Variants in SAMSN1 observed in about 807,000 individuals in gnomAD.
SAMSN1 encodes the protein SAM domain, SH3 domain and nuclear localization signals 1.
SAMSN1 carries 31 observed loss-of-function variants against 42.0 expected under a neutral mutation model. The ratio of observed to expected loss-of-function variants is 0.74; its 90% confidence interval spans 0.55 to 1.00. The LOEUF is 1.00. Among genes scored for constraint, SAMSN1 ranks in the 50% least tolerant of loss-of-function variants. The pLI is 0.00. For synonymous variants in SAMSN1, 178 were observed against 151.9 expected (o/e 1.17, Z -1.26); for missense variants, 464 against 439.4 (o/e 1.06, Z -0.50).
In SAMSN1 at chr21:14,559,991, G is replaced by C. The variant is rs143398776; in HGVS notation, c.261+22145C>G. Among the ~76,000 whole-genome samples the C allele has an allele frequency of 2.7e-4, 41 of 152,266 alleles. 1 individual carries two copies. Among genetic ancestry groups the C allele is most frequent in the African/African-American group, 9.4e-4 (39 of 41,546 alleles). The stretch of plus-strand genomic sequence containing the variant: ...ATATCTATTATGGGCCTGGGACTCT[G>C]TCAGGTGTCCAAAGACGGAAAGGTA... On this transcript the variant is annotated intron_variant, in intron 2 of 8. Transcript: ENST00000285670.
intron 2 of SAMSN1, among the ~76,000 whole-genome samples, chr21:14,560,958 T>A (rs192157775): frequency 3.3e-5 from 5 of 152,240 alleles, no homozygotes; most frequent in African/African-American, 1.2e-4. Flanking sequence ...TTTGCAAAAC[T>A]AATGAAAGGC....
At chr21:14,528,251 TCCTTCTTTC>T (rs753862766) in intron 1 of SAMSN1, among the ~76,000 whole-genome samples, 3 of 152,160 alleles carry the variant, frequency 2.0e-5, no homozygotes, top group Non-Finnish European at 2.9e-5. Context: ...CACTTTCTAT[TCCTTCTTTC>T]TCTTCTTCTC....
At chr21:14,615,863 C>CA (rs34255188) in intron 3 of SAMSN1, 3,260 of 116,228 alleles carry the variant, frequency 0.028, 189 homozygotes, top group African/African-American at 0.085. Context: ...ATGACAGCTG[C>CA]AAAAAAAAAA....
At chr21:14,565,256 A>G (rs1484660620) in intron 2 of SAMSN1, among the ~76,000 whole-genome samples, 2 of 147,254 alleles carry the variant, frequency 1.4e-5, no homozygotes, top group African/African-American at 5.0e-5. Context: ...AGATCACACC[A>G]CTGAACTCCA....
At chr21:14,497,508 C>T (rs547941576) in intron 7 of SAMSN1, among the ~76,000 whole-genome samples, 1 of 152,286 alleles carries the variant, frequency 6.6e-6, no homozygotes, top group South Asian at 2.1e-4. Flanking sequence ...ATGAGAATCG[C>T]TTCAACCTGG....
At chr21:14,531,012 AGT>A (rs1328086525) in intron 1 of SAMSN1, among the ~76,000 whole-genome samples, 3 of 152,062 alleles carry the variant, frequency 2.0e-5, no homozygotes, top group Non-Finnish European at 4.4e-5. Flanking sequence ...TATTTTAACT[AGT>A]CACATCATTT....
intron 2 of SAMSN1, among the ~76,000 whole-genome samples, chr21:14,622,492 C>T (rs1337862577): frequency 6.6e-6 from 1 of 151,918 alleles, no homozygotes; most frequent in African/African-American, 2.4e-5. Flanking sequence ...TTTCAGTAGC[C>T]AATTCAATCA....
intron 1 of SAMSN1, among the ~76,000 whole-genome samples, chr21:14,643,884 G>T (rs573477046): frequency 6.6e-6 from 1 of 152,190 alleles, no homozygotes; most frequent in Non-Finnish European, 1.5e-5. Context: ...CACAGCCATC[G>T]TGCGGCATTG....
intron 1 of SAMSN1, among the ~76,000 whole-genome samples, chr21:14,542,840 A>G (rs982996517): frequency 6.6e-6 from 1 of 152,048 alleles, no homozygotes; most frequent in Admixed American, 6.6e-5. Flanking sequence ...GCTACTCAGG[A>G]GGCTGAGATG....
At chr21:14,621,595 G>GGAGGGGCGCCCACCATTGCT (rs199797741) in intron 2 of SAMSN1, among the ~76,000 whole-genome samples, 105,887 of 151,552 alleles carry the variant, frequency 0.7, 37,110 homozygotes, top group Non-Finnish European at 0.73. Flanking sequence ...AGAGGCTGGG[G>GGAGGGGCGCCCACCATTGCT]GAGGCTTGAG....
At chr21:14,658,474 T>C (rs1983949891) in intron 1 of SAMSN1, among the ~76,000 whole-genome samples, 1 of 151,986 alleles carries the variant, frequency 6.6e-6, no homozygotes, top group Non-Finnish European at 1.5e-5. Flanking sequence ...TCAAAAATAC[T>C]GTTCCCAGAA....
chr21:14,615,993 TG>T lies in SAMSN1; in HGVS notation c.179del (p.Ala60GlufsTer24). On this transcript the variant is annotated frameshift_variant, in exon 3 of 16. Coordinates refer to the SAMSN1 transcript ENST00000647101. LOFTEE classifies it high-confidence loss of function. ...TGACTTACTTTCTCTTTTTTGGTTT[TG>T]CATTCTCTAAATTAGAAACTCCCTG... The T allele has an allele frequency of 1.7e-6, 1 of 599,220 alleles. No individual in the cohort carries two copies. Among genetic ancestry groups the T allele is most frequent in the Non-Finnish European group, 3.1e-6 (1 of 322,374 alleles). 37.1% of individuals were successfully genotyped at this position (599,220 alleles called of 1,614,324 possible).
At chr21:14,652,801 T>G (rs892807997) in intron 1 of SAMSN1, among the ~76,000 whole-genome samples, 6 of 152,032 alleles carry the variant, frequency 3.9e-5, no homozygotes, top group Non-Finnish European at 7.4e-5. Flanking sequence ...GTGGGATTAA[T>G]AACCAGAACA....
intron 7 of SAMSN1, chr21:14,591,354 C>T (rs1982078150): frequency 6.6e-6 from 1 of 152,150 alleles, no homozygotes; most frequent in Admixed American, 6.5e-5. Flanking sequence ...AGGACCTAAT[C>T]TACGGGAGGT....
rs56315338 is a variant in SAMSN1, at chr21:14,499,025, C to G, written c.769-433G>C. Among the ~76,000 whole-genome samples the G allele has an allele frequency of 2.4e-3, 367 of 152,276 alleles. 3 individuals are homozygous for G. The highest frequency in any genetic ancestry group is 0.017 in the Middle Eastern group (5 of 294). On this transcript the variant is annotated intron_variant, in intron 6 of 7. Coordinates refer to ENST00000400566, the MANE Select transcript of SAMSN1 (RefSeq NM_022136.5). ...CTTCTTGTTTTCATGATTGCAAAAG[C>G]ATCTACTCTCAAAACATTCTTGGGG...
chr21:14,584,316 T>G (rs1004335005), upstream of SAMSN1, among the ~76,000 whole-genome samples: 1 of 152,218 alleles, frequency 6.6e-6, no homozygotes, highest in Non-Finnish European at 1.5e-5. Context: ...AGCCTCTTGC[T>G]TTCTAGAAGA....
upstream of SAMSN1, among the ~76,000 whole-genome samples, chr21:14,587,904 A>AC (rs1981970989): frequency 1.5e-5 from 1 of 68,840 alleles, no homozygotes; most frequent in Non-Finnish European, 2.5e-5. Context: ...CCCTCCCCCC[A>AC]CCCCGCAACA....
intron 5 of SAMSN1, among the ~76,000 whole-genome samples, chr21:14,502,809 C>A (rs1987227424): frequency 6.6e-6 from 1 of 152,112 alleles, no homozygotes; most frequent in African/African-American, 2.4e-5. Context: ...TCCAGTTGAG[C>A]TCACTCTGAT....
At chr21:14,564,944 A>G (rs1268155343) in intron 2 of SAMSN1, among the ~76,000 whole-genome samples, 1 of 152,168 alleles carries the variant, frequency 6.6e-6, no homozygotes. Flanking sequence ...ACTGAAATTG[A>G]GCAGAGGGGC....
Sources: allele counts gnomAD v4.1 joint callset (sites outside exome capture counted in the v4.1 genomes callset), GRCh38; gene constraint gnomAD v4.1.1; transcripts MANE v1.5; gene names NCBI Gene and HGNC (gene_info 2026-07-23, HGNC 2026-07-21).